UNC13C: variants seen among roughly 807,000 people sequenced by gnomAD.
UNC13C encodes the protein protein unc-13 homolog C.
A neutral mutation model predicts 245.4 loss-of-function variants in UNC13C; 174 were observed. That is an observed-to-expected ratio of 0.71 (90% CI 0.63 to 0.80). The LOEUF (loss-of-function observed/expected upper bound fraction) is 0.80. Ranked by LOEUF, UNC13C falls within the 30% of genes least tolerant of loss-of-function variation. UNC13C has a pLI of 0.00. For synonymous variants in UNC13C, 992 were observed against 895.1 expected (o/e 1.11, Z -1.93); for missense variants, 2,829 against 2,602.9 (o/e 1.09, Z -1.89).
intron 19 of UNC13C, among the ~76,000 whole-genome samples, chr15:54,438,208 C>A (rs1890325047): frequency 6.6e-6 from 1 of 151,828 alleles, no homozygotes; most frequent in Non-Finnish European, 1.5e-5. Context: ...TCCCATAGAA[C>A]TTCTAAACTG....
the UNC13C span, among the ~76,000 whole-genome samples, chr15:53,893,755 G>A: frequency 6.6e-6 from 1 of 151,886 alleles, no homozygotes; most frequent in Non-Finnish European, 1.5e-5. Flanking sequence ...CTGGCAGCAA[G>A]AATTTCAAGC....
chr15:54,050,959 T>C, intron 2 of UNC13C: 1 of 524,710 alleles, frequency 1.9e-6, no homozygotes, highest in Non-Finnish European at 3.9e-6. Flanking sequence ...ATTGCTTTCA[T>C]ATAGCTGGTA....
intron 17 of UNC13C, among the ~76,000 whole-genome samples, chr15:54,363,582 T>A (rs1028861867): frequency 2.0e-5 from 3 of 152,212 alleles, no homozygotes; most frequent in Non-Finnish European, 4.4e-5. Context: ...CTGGAGGAAA[T>A]GTGGAGCCAC....
At chr15:53,844,668 C>A in the UNC13C span, among the ~76,000 whole-genome samples, 3 of 151,980 alleles carry the variant, frequency 2.0e-5, no homozygotes, top group Non-Finnish European at 2.9e-5. Context: ...CTCAAAGGGA[C>A]AAATGTTTTA....
chr15:54,372,079 G>A (rs988515338), intron 17 of UNC13C, among the ~76,000 whole-genome samples: 18 of 152,056 alleles, frequency 1.2e-4, no homozygotes, highest in Non-Finnish European at 7.4e-5. Context: ...AAATAGCTAA[G>A]AGAGTAGATT....
intron 2 of UNC13C, among the ~76,000 whole-genome samples, chr15:54,068,056 C>T (rs1457481620): frequency 6.6e-6 from 1 of 152,120 alleles, no homozygotes; most frequent in Admixed American, 6.6e-5. Context: ...AGAAATTTCC[C>T]ATCCCTTCAA....
In UNC13C at chr15:54,350,180, C is replaced by T. The variant is rs535966300; in HGVS notation, c.4713+11691C>T. 1.2e-4 allele frequency among the ~76,000 whole-genome samples: 19 copies of T among 152,162 alleles called. No individual in the cohort carries two copies. The South Asian group carries it at 1.9e-3, about 15-fold the overall frequency. On this transcript the variant is annotated intron_variant, in intron 17 of 32. Coordinates refer to ENST00000260323, the MANE Select transcript of UNC13C (RefSeq NM_001080534.3). ...CTAATTTTTGTATTTTTAGTACTGA[C>T]GGGGTTTCACCGTGTTAGCCAGGAT...
At chr15:54,172,904 T>C (rs1215635640) in intron 4 of UNC13C, among the ~76,000 whole-genome samples, 1 of 151,056 alleles carries the variant, frequency 6.6e-6, no homozygotes, top group Non-Finnish European at 1.5e-5. Context: ...ATAGTTAATT[T>C]TTGTGTACAT....
chr15:54,583,298 C>G (rs1195924478), intron 30 of UNC13C, among the ~76,000 whole-genome samples: 1 of 152,062 alleles, frequency 6.6e-6, no homozygotes, highest in South Asian at 2.1e-4. Flanking sequence ...TCAATGAAAA[C>G]TATTTTTTTT....
At chr15:54,397,800 T>C (rs965858588) in intron 18 of UNC13C, among the ~76,000 whole-genome samples, 5 of 151,406 alleles carry the variant, frequency 3.3e-5, no homozygotes, top group African/African-American at 1.2e-4. Context: ...TCTTTGTTAA[T>C]AGTACATAGA....
intron 2 of UNC13C, among the ~76,000 whole-genome samples, chr15:54,098,763 G>C (rs924193669): frequency 7.9e-5 from 12 of 152,116 alleles, no homozygotes; most frequent in African/African-American, 2.9e-4. Flanking sequence ...AAAACATTTT[G>C]ACCAAGAAAG....
chr15:54,023,525 A>G (rs1028136479), intron 2 of UNC13C, among the ~76,000 whole-genome samples: 1 of 152,214 alleles, frequency 6.6e-6, no homozygotes, highest in African/African-American at 2.4e-5. Flanking sequence ...GTCACTTGAA[A>G]AGATTTTATT....
At chr15:54,378,846 C>T (rs2039661102) in intron 17 of UNC13C, among the ~76,000 whole-genome samples, 1 of 151,842 alleles carries the variant, frequency 6.6e-6, no homozygotes, top group Admixed American at 6.6e-5. Flanking sequence ...GTTTAATTAA[C>T]TATGTACAGT....
At chr15:53,851,542 G>C in the UNC13C span, among the ~76,000 whole-genome samples, 84 of 152,058 alleles carry the variant, frequency 5.5e-4, no homozygotes, top group African/African-American at 2.0e-3. Flanking sequence ...TTCTCTCTCT[G>C]TGTCTCATCT....
the UNC13C span, among the ~76,000 whole-genome samples, chr15:53,890,362 CA>C: frequency 1.3e-5 from 2 of 152,096 alleles, no homozygotes; most frequent in African/African-American, 4.8e-5. Flanking sequence ...AGGATGGTCT[CA>C]ATCTCCTGAC....
At chr15:54,306,124 A>G (rs1239381374) in intron 13 of UNC13C, among the ~76,000 whole-genome samples, 1 of 152,072 alleles carries the variant, frequency 6.6e-6, no homozygotes, top group Non-Finnish European at 1.5e-5. Flanking sequence ...CCTGAGCATT[A>G]GGACTGAACG....
chr15:54,036,983 G>C (rs933577590), intron 2 of UNC13C, among the ~76,000 whole-genome samples: 2 of 152,216 alleles, frequency 1.3e-5, no homozygotes, highest in African/African-American at 4.8e-5. Flanking sequence ...TGAAGGGCAG[G>C]AATGCCAAGA....
chr15:53,965,795 C>G, the UNC13C span, among the ~76,000 whole-genome samples: 1 of 151,926 alleles, frequency 6.6e-6, no homozygotes, highest in South Asian at 2.1e-4. Context: ...CAATTCCCAC[C>G]TATGAGTGAG....
the UNC13C span, among the ~76,000 whole-genome samples, chr15:53,878,412 T>C: frequency 2.6e-5 from 4 of 152,318 alleles, no homozygotes; most frequent in Non-Finnish European, 5.9e-5. Context: ...GATTTTGAAA[T>C]AGAGAGTCAG....
Sources: gnomAD v4.1 joint callset for allele counts (sites outside exome capture counted in the v4.1 genomes callset) on GRCh38, gnomAD v4.1.1 for gene constraint, MANE v1.5 for transcripts, NCBI Gene and HGNC (gene_info 2026-07-23, HGNC 2026-07-21) for gene names.